Variants in CD1E observed in about 807,000 individuals in gnomAD.
The protein encoded by CD1E is CD1e molecule.
CD1E carries 49 observed loss-of-function variants against 40.1 expected under a neutral mutation model. The observed-to-expected ratio is 1.22, with a 90% confidence interval of 0.97 to 1.55. The LOEUF is 1.55. Among genes scored for constraint, CD1E ranks in the 40% most tolerant of loss-of-function variants. CD1E has a pLI of 0.00. For synonymous variants in CD1E, 189 were observed against 178.3 expected (o/e 1.06, Z -0.48); for missense variants, 492 against 471.3 (o/e 1.04, Z -0.41).
intron 2 of CD1E, among the ~76,000 whole-genome samples, chr1:158,355,013 A>G (rs1653443124): frequency 6.6e-6 from 1 of 152,096 alleles, no homozygotes; most frequent in African/African-American, 2.4e-5. Flanking sequence ...GAGTGTTGAC[A>G]TGGACTGGCC....
At position 158,355,426 on chromosome 1, in the gene CD1E, C is replaced by T. The variant is rs891049540; in HGVS notation, c.482C>T (p.Ala161Val). Residue 161 changes from alanine (A) to valine (V), a missense_variant, in exon 3 of 6, where the codon GCA becomes GTA. Coordinates refer to ENST00000368167, the MANE Select transcript of CD1E (RefSeq NM_030893.4). ...ATTTCCTGGGAGCCATCTCCAGGAG[C>T]AGGGATCCGGGCCCAGAACATCTGT... ...QGISWEPSPGAGIRAQNICKV... is the reference protein window; with the variant it reads ...QGISWEPSPGVGIRAQNICKV... 2 of 1,614,100 alleles carry T rather than the reference C, an allele frequency of 1.2e-6. No homozygotes were observed. The highest frequency in any genetic ancestry group is 4.5e-5 in the East Asian group (2 of 44,864).
rs200753711 is a variant in CD1E at position 158,355,956 on chromosome 1, G to A, written c.755G>A (p.Arg252Gln). 1.1e-4 allele frequency: 183 copies of A among 1,614,122 alleles called. 1 individual carries two copies. In the African/African-American group the frequency reaches 1.9e-3, roughly 17 times the overall value. The change falls in exon 4 of 6, where the codon CGG becomes CAG. Residue 252 changes from arginine to glutamine, a missense_variant. Coordinates refer to ENST00000368167, the MANE Select transcript of CD1E (RefSeq NM_030893.4). ...VMWMRGEQEQ[R>Q]GTQRGDVLPN... The stretch of plus-strand genomic sequence containing the variant: ...TGGATGCGGGGTGAGCAGGAGCAGC[G>A]GGGCACTCAGCGAGGGGACGTCCTG...
At position 158,356,890 on chromosome 1, in the gene CD1E, C is replaced by G; in HGVS notation, c.1161C>G (p.Leu387=). The stretch of plus-strand genomic sequence containing the variant: ...AGTGGAAGACACGCCTAAACCAACT[C>G]TGGTGACATTTGCTTTACCTTATAC... ...LKKWKTRLNQ[L]W is the part of the protein sequence containing the mutation. The change falls in exon 6 of 6, where the codon CTC becomes CTG. Residue 387 remains leucine (L), a synonymous_variant. Transcript: ENST00000368167. 2 of 1,613,832 alleles carry G rather than the reference C, an allele frequency of 1.2e-6. No homozygotes were observed. Among genetic ancestry groups the G allele is most frequent in the Non-Finnish European group, 1.7e-6 (2 of 1,179,784 alleles).
Position 158,355,862 on chromosome 1 carries a change from C to T in CD1E, c.661C>T (p.Pro221Ser). 1.9e-6 allele frequency: 3 copies of T among 1,614,112 alleles called. No homozygotes were observed. Among genetic ancestry groups the T allele is most frequent in the Non-Finnish European group, 2.5e-6 (3 of 1,180,000 alleles). ...GGCCTGGCTGTCCTGTGGCCCCAGT[C>T]CTGGCCCTGGCCGTCTGCAGCTTGT... ...PEAWLSCGPS[P>S]GPGRLQLVCH... Residue 221 changes from proline (P) to serine (S), a missense_variant, in exon 4 of 6, where the codon CCT becomes TCT. Physicochemically the swap from Pro to Ser is moderately conservative, Grantham distance 74. Transcript: ENST00000368167.
Position 158,355,868 on chromosome 1 carries a change from C to G in CD1E, c.667C>G (p.Pro223Ala). 6.2e-7 allele frequency: 1 copy of G among 1,614,108 alleles called. No individual in the cohort carries two copies. Among genetic ancestry groups the G allele is most frequent in the Non-Finnish European group, 8.5e-7 (1 of 1,180,006 alleles). ...GCTGTCCTGTGGCCCCAGTCCTGGCCCTGGCCGTCTGCAGCTTGTGTGCCA... is the reference window on the plus strand; with the variant it reads ...GCTGTCCTGTGGCCCCAGTCCTGGCGCTGGCCGTCTGCAGCTTGTGTGCCA... ...AWLSCGPSPG[P>A]GRLQLVCHVS... Residue 223 changes from proline to alanine, a missense_variant, in exon 4 of 6, where the codon CCT (proline) becomes GCT (alanine). Physicochemically the swap from Pro to Ala is conservative, Grantham distance 27. Coordinates refer to ENST00000368167, the MANE Select transcript of CD1E (RefSeq NM_030893.4).
intron 2 of CD1E, 109 bp from the exon 3 acceptor site, chr1:158,355,191 G>T (rs1571215585): frequency 9.1e-7 from 1 of 1,097,208 alleles, no homozygotes; most frequent in East Asian, 2.4e-5. Flanking sequence ...GTCTCCATAT[G>T]ATTTCCCAGC....
At chr1:158,354,202 A>T in intron 1 of CD1E, 156 bp downstream of exon 1, 1 of 910,858 alleles carries the variant, frequency 1.1e-6, no homozygotes, top group Non-Finnish European at 1.7e-6. Context: ...TCTTGCTCTC[A>T]GTCTCAGTTT....
rs746069465 is a variant in CD1E, at chr1:158,354,496, G to A, written c.178G>A (p.Gly60Ser). 1.9e-6 allele frequency: 3 copies of A among 1,613,948 alleles called. No homozygotes were observed. Among genetic ancestry groups the A allele is most frequent in the African/African-American group, 2.7e-5 (2 of 74,886 alleles). The change falls in exon 2 of 6, where the codon GGT becomes AGT. Residue 60 changes from glycine to serine, a missense_variant. Coordinates refer to ENST00000368167, the MANE Select transcript of CD1E (RefSeq NM_030893.4). ...WAHSEGSGWL[G>S]DLQTHGWDTV... Reference sequence around the variant, plus strand: ...ACACAGTGAGGGCTCAGGATGGCTGGGTGACCTGCAGACTCATGGCTGGGA... The same window carrying A: ...ACACAGTGAGGGCTCAGGATGGCTGAGTGACCTGCAGACTCATGGCTGGGA...
chr1:158,353,910 G>C lies in CD1E; in HGVS notation c.-79G>C. 3 of 1,101,016 alleles carry C rather than the reference G, an allele frequency of 2.7e-6. No homozygotes were observed. In the South Asian group the frequency reaches 3.8e-5, roughly 14 times the overall value. The allele number at this position is 1,101,016 out of a possible 1,614,324, so 68.2% of individuals were successfully genotyped here. A position where few individuals can be genotyped will look rare whatever the true frequency, so the allele number is the denominator to read the frequency against. ...AGGGAAGTCAGACGAGAGTGCAAGA[G>C]GGTGTGGAGAGGGGTACTGATATCT... On this transcript the variant is annotated 5_prime_UTR_variant, in exon 1 of 6. Transcript: ENST00000368167.
chr1:158,354,971 A>G (rs979414442), intron 2 of CD1E, among the ~76,000 whole-genome samples: 15 of 151,660 alleles, frequency 9.9e-5, no homozygotes, highest in Non-Finnish European at 5.9e-5. Flanking sequence ...GCCTTTCTCA[A>G]CCCTCTTTCT....
rs371742057 is a variant in CD1E at position 158,353,958 on chromosome 1, G to T, written c.-31G>T. ...TCTGAATTATTAGGGCAGGTGTCCT[G>T]CCAAGGAATCCCTCCTTTAACAGAG... On this transcript the variant is annotated 5_prime_UTR_variant, in exon 1 of 6. Coordinates refer to ENST00000368167, the MANE Select transcript of CD1E (RefSeq NM_030893.4). The T allele has an allele frequency of 6.3e-7, 1 of 1,598,304 alleles. No homozygotes were observed. Among genetic ancestry groups the T allele is most frequent in the Non-Finnish European group, 8.6e-7 (1 of 1,165,962 alleles).
At position 158,356,058 on chromosome 1, in the gene CD1E, G is replaced by C. The variant is rs371931193; in HGVS notation, c.857G>C (p.Arg286Pro). The change falls in exon 4 of 6, where the codon CGG (arginine) becomes CCG (proline). Residue 286 changes from arginine to proline, a missense_variant. By Grantham distance (103) the Arg-to-Pro change is moderately radical. Coordinates refer to ENST00000368167, the MANE Select transcript of CD1E (RefSeq NM_030893.4). ...GGGGAGGCAGCTGGCCTGTCCTGTC[G>C]GGTGAAACACAGCAGTCTAGGGGGC... ...AAGEAAGLSC[R>P]VKHSSLGGHD... is the part of the protein sequence containing the mutation. 3.3e-4 allele frequency: 528 copies of C among 1,613,856 alleles called. No individual in the cohort carries two copies. The highest frequency in any genetic ancestry group is 4.2e-4 in the Non-Finnish European group (496 of 1,179,922).
intron 2 of CD1E, 66 bp downstream of exon 2, chr1:158,354,739 A>G: frequency 1.4e-6 from 2 of 1,380,548 alleles, no homozygotes; most frequent in Non-Finnish European, 2.0e-6. Context: ...AGTGGAAGAT[A>G]GTATATAGAC....
chr1:158,356,828 G>C lies in CD1E; in HGVS notation c.1099G>C (p.Ala367Pro). The part of the protein sequence containing the change: ...TKNSRHQFCL[A>P]QVSWIKNRVL... ...GAATTCAAGACATCAGTTCTGCTTG[G>C]CACAAGTATCGTGGATCAAAAACAG... is the stretch of plus-strand genomic sequence containing the variant. Residue 367 changes from alanine to proline, a missense_variant, in exon 6 of 6, where the codon GCA becomes CCA. Transcript: ENST00000368167. 1 of 1,613,780 alleles carries C rather than the reference G, an allele frequency of 6.2e-7. No individual in the cohort carries two copies.
rs41273487 is a variant in CD1E at position 158,354,248 on chromosome 1, C to T, written c.59-129C>T. 1.1e-3 allele frequency: 1,123 copies of T among 995,960 alleles called. 1 individual carries two copies. Among genetic ancestry groups the T allele is most frequent in the Middle Eastern group, 2.6e-3 (8 of 3,032 alleles). 61.7% of individuals were successfully genotyped at this position (995,960 alleles called of 1,614,324 possible). On this transcript the variant is annotated intron_variant, in intron 1 of 5. Transcript: ENST00000368167. ...TTTTGGAGAAAGGAAGCTGGCCCCA[C>T]AGGAAAAGGGTATTGGAGTATGTAC...
rs566848683 is a variant in CD1E at position 158,355,489 on chromosome 1, T to A, written c.545T>A (p.Leu182Gln). The change falls in exon 3 of 6, where the codon CTG (leucine) becomes CAG (glutamine). Residue 182 changes from leucine to glutamine, a missense_variant. Physicochemically the swap from Leu to Gln is moderately radical, Grantham distance 113. Coordinates refer to ENST00000368167, the MANE Select transcript of CD1E (RefSeq NM_030893.4). Reference sequence around the variant, plus strand: ...CGCTACCTAGATATTAAGGAAATACTGCAAAGCCTTCTTGGTCACACCTGC... The same window carrying A: ...CGCTACCTAGATATTAAGGAAATACAGCAAAGCCTTCTTGGTCACACCTGC... Reference protein sequence around the residue: ...LNRYLDIKEILQSLLGHTCPR... With the variant: ...LNRYLDIKEIQQSLLGHTCPR... 15 of 1,614,196 alleles carry A rather than the reference T, an allele frequency of 9.3e-6. No homozygotes were observed. In the African/African-American group the frequency reaches 1.5e-4, roughly 16 times the overall value.
At position 158,355,311 on chromosome 1, in the gene CD1E, A is replaced by G; in HGVS notation, c.367A>G (p.Ile123Val). ...CTGTCCACTCTCAGACCCCTTCGAG[A>G]TCCAGATATTAGCTGGCTGTAGAAT... ...GQFQLEYPFE[I>V]QILAGCRMNA... Residue 123 changes from isoleucine to valine, a missense_variant, in exon 3 of 6, where the codon ATC (isoleucine) becomes GTC (valine). Transcript: ENST00000368167. 1 of 1,613,838 alleles carries G rather than the reference A, an allele frequency of 6.2e-7. No individual in the cohort carries two copies. Among genetic ancestry groups the G allele is most frequent in the Non-Finnish European group, 8.5e-7 (1 of 1,179,886 alleles).
chr1:158,354,606 G>A lies in CD1E; in HGVS notation c.288G>A (p.Leu96=), dbSNP rs1178466130. 1.2e-5 allele frequency: 20 copies of A among 1,614,018 alleles called. No individual in the cohort carries two copies. The highest frequency in any genetic ancestry group is 1.7e-5 in the Non-Finnish European group (20 of 1,180,020). ...SKQELKNLQS[L]FQLYFHSFIQ... ...AGGAGCTGAAAAACTTACAGTCACT[G>A]TTCCAGTTATACTTCCATAGTTTTA... The change falls in exon 2 of 6, where the codon CTG becomes CTA. Residue 96 remains leucine, a synonymous_variant. Transcript: ENST00000368167.
chr1:158,357,457 T>A lies in CD1E; in HGVS notation c.*561T>A, dbSNP rs1205684773. 1 of 152,282 alleles carries A rather than the reference T, an allele frequency of 6.6e-6. No individual in the cohort carries two copies. Among genetic ancestry groups the A allele is most frequent in the Non-Finnish European group, 1.5e-5 (1 of 68,058 alleles). The allele number at this position is 152,282 out of a possible 1,614,324, so 9.4% of individuals were successfully genotyped here. On this transcript the variant is annotated 3_prime_UTR_variant, in exon 6 of 6. Coordinates refer to ENST00000368167, the MANE Select transcript of CD1E (RefSeq NM_030893.4). ...TTTTCAAACAAGAGATATTGTATTTTCATTTTTCACTGACCCCACAAATTA... is the reference window on the plus strand; with the variant it reads ...TTTTCAAACAAGAGATATTGTATTTACATTTTTCACTGACCCCACAAATTA...
Sources: gnomAD v4.1 joint callset for allele counts (sites outside exome capture counted in the v4.1 genomes callset) on GRCh38, gnomAD v4.1.1 for gene constraint, MANE v1.5 for transcripts, NCBI Gene and HGNC (gene_info 2026-07-23, HGNC 2026-07-21) for gene names.